The following ESRRB variants were observed in gnomAD, a reference collection of about 807,000 sequenced individuals.
ESRRB encodes estrogen related receptor beta.
ESRRB carries 16 observed loss-of-function variants against 46.0 expected under a neutral mutation model. The observed-to-expected ratio is 0.35, with a 90% CI of 0.24 to 0.53. ESRRB has a LOEUF of 0.53. Ranked by LOEUF, ESRRB falls within the 20% of genes least tolerant of loss-of-function variation. ESRRB has a pLI of 0.93. For missense variants in ESRRB, 488 were observed against 607.4 expected, an observed-to-expected ratio of 0.80 and a Z score of 2.07; for synonymous variants, 246 against 259.6, an observed-to-expected ratio of 0.95 and a Z score of 0.50.
chr14:76,377,218 G>C (rs910049653), intron 1 of ESRRB, among the ~76,000 whole-genome samples: 8 of 152,224 alleles, frequency 5.3e-5, no homozygotes, highest in Non-Finnish European at 1.0e-4. Context: ...CGCGAGAAGC[G>C]ACTCTCAGAA....
rs138831993 is a variant in ESRRB, at chr14:76,355,126, G to A, written c.2+44210G>A. Among the ~76,000 whole-genome samples the A allele has an allele frequency of 1.9e-4, 29 of 152,276 alleles. No individual in the cohort carries two copies. In the East Asian group the frequency reaches 3.9e-3, roughly 20 times the overall value. ...ACCCTTTGGGTATACCTTCCTCCTC[G>A]GATGGGTCTTTTCCAGGCAGCCTTC... On this transcript the variant is annotated intron_variant, in intron 1 of 6. Coordinates refer to the ESRRB transcript ENST00000512784.
chr14:76,381,985 A>C (rs778526759), intron 1 of ESRRB, among the ~76,000 whole-genome samples: 2 of 152,164 alleles, frequency 1.3e-5, no homozygotes, highest in Non-Finnish European at 1.5e-5. Context: ...GATCAGGATT[A>C]ATATCATCAA....
chr14:76,432,167 C>T (rs985819315), intron 1 of ESRRB, among the ~76,000 whole-genome samples: 1 of 152,178 alleles, frequency 6.6e-6, no homozygotes, highest in Non-Finnish European at 1.5e-5. Flanking sequence ...AGACATTTGG[C>T]AATGTCTGTA....
intron 1 of ESRRB, among the ~76,000 whole-genome samples, chr14:76,412,493 T>C (rs1423525676): frequency 6.6e-6 from 1 of 152,056 alleles, no homozygotes; most frequent in East Asian, 1.9e-4. Flanking sequence ...CACCCTACCC[T>C]GGCTGGAAGC....
chr14:76,456,363 A>G (rs913342048), intron 2 of ESRRB, among the ~76,000 whole-genome samples: 2 of 152,196 alleles, frequency 1.3e-5, no homozygotes, highest in African/African-American at 4.8e-5. Flanking sequence ...CAGAGAACCC[A>G]TAAACTTGTC....
chr14:76,493,846 C>G (rs1231477614), intron 6 of ESRRB, among the ~76,000 whole-genome samples: 1 of 152,218 alleles, frequency 6.6e-6, no homozygotes, highest in African/African-American at 2.4e-5. Flanking sequence ...CAGAGGTACC[C>G]CTTTGCAGGG....
chr14:76,359,648 C>T (rs1884440013), intron 1 of ESRRB, among the ~76,000 whole-genome samples: 1 of 152,122 alleles, frequency 6.6e-6, no homozygotes, highest in Non-Finnish European at 1.5e-5. Flanking sequence ...ACAGTAACCT[C>T]CTCTTGGAAC....
At position 76,404,475 on chromosome 14, in the gene ESRRB, T is replaced by G. The variant is rs10132091; in HGVS notation, c.50+28024T>G. 1 of 151,942 alleles carries G rather than the reference T, an allele frequency of 6.6e-6. No homozygotes were observed. The highest frequency in any genetic ancestry group is 1.5e-5 in the Non-Finnish European group (1 of 67,984). 9.4% of individuals were successfully genotyped at this position (151,942 alleles called of 1,614,324 possible). A position where few individuals can be genotyped will look rare whatever the true frequency, so the allele number is the denominator to read the frequency against. On this transcript the variant is annotated intron_variant, in intron 1 of 6. Coordinates refer to ENST00000644823, the MANE Select transcript of ESRRB (RefSeq NM_001379180.1). ...GAACTTTGAGGTATCTAATAAATAT[T>G]GTGAATGAATGAATGGCCAGACCAT...
intron 2 of ESRRB, among the ~76,000 whole-genome samples, chr14:76,440,116 T>C (rs1887858499): frequency 6.6e-6 from 1 of 152,182 alleles, no homozygotes; most frequent in Non-Finnish European, 1.5e-5. Flanking sequence ...TAATTTGCCC[T>C]GCAATTCCAG....
At chr14:76,468,535 A>T (rs28458456) in intron 3 of ESRRB, among the ~76,000 whole-genome samples, 3 of 151,642 alleles carry the variant, frequency 2.0e-5, no homozygotes, top group Non-Finnish European at 4.4e-5. Flanking sequence ...AATGAAGACG[A>T]AGGAGATGAT....
chr14:76,445,482 A>AG (rs1296548192), intron 2 of ESRRB, among the ~76,000 whole-genome samples: 59 of 120,064 alleles, frequency 4.9e-4, no homozygotes, highest in African/African-American at 2.2e-3. Flanking sequence ...AAAAAAAAAA[A>AG]AAAGAAAGAA....
intron 1 of ESRRB, among the ~76,000 whole-genome samples, chr14:76,333,834 G>A (rs187181228): frequency 1.7e-3 from 258 of 152,114 alleles, no homozygotes; most frequent in Admixed American, 2.7e-3. Flanking sequence ...TAGACTGGCT[G>A]CATTTCACGT....
At chr14:76,334,900 G>A (rs1301180369) in intron 1 of ESRRB, among the ~76,000 whole-genome samples, 1 of 152,160 alleles carries the variant, frequency 6.6e-6, no homozygotes, top group African/African-American at 2.4e-5. Flanking sequence ...GCAGGGACAG[G>A]GAGCCACGTG....
At chr14:76,347,735 G>A (rs1322603884) in intron 1 of ESRRB, among the ~76,000 whole-genome samples, 1 of 99,574 alleles carries the variant, frequency 1.0e-5, no homozygotes, top group Non-Finnish European at 2.1e-5. Flanking sequence ...CCAAGGTCCA[G>A]AGCATCTCTA....
intron 3 of ESRRB, among the ~76,000 whole-genome samples, chr14:76,470,864 T>A (rs1005633683): frequency 7.9e-5 from 12 of 152,150 alleles, no homozygotes; most frequent in African/African-American, 1.4e-4. Context: ...ATTTAAAAAA[T>A]TTTTTTTGTA....
chr14:76,352,784 A>T (rs1211590371), intron 1 of ESRRB, among the ~76,000 whole-genome samples: 1 of 152,188 alleles, frequency 6.6e-6, no homozygotes, highest in Non-Finnish European at 1.5e-5. Flanking sequence ...GAGCTAGCTG[A>T]TTGGAAAGCC....
At chr14:76,438,688 T>C (rs564027303) in intron 1 of ESRRB, among the ~76,000 whole-genome samples, 97 of 151,940 alleles carry the variant, frequency 6.4e-4, no homozygotes, top group African/African-American at 2.3e-3. Context: ...ACTTGTAGCC[T>C]TTGTGTATTA....
At chr14:76,473,850 C>A (rs61979410) in intron 3 of ESRRB, among the ~76,000 whole-genome samples, 15,116 of 152,272 alleles carry the variant, frequency 0.099, 903 homozygotes, top group East Asian at 0.19. Flanking sequence ...GAGAGGCCAG[C>A]AGAGGGGGAG....
At chr14:76,315,936 T>C (rs895645795) in intron 1 of ESRRB, among the ~76,000 whole-genome samples, 2 of 152,160 alleles carry the variant, frequency 1.3e-5, no homozygotes, top group African/African-American at 4.8e-5. Flanking sequence ...AGAAAGAGAA[T>C]TTTCTTAAGT....
Sources: gnomAD v4.1 joint callset for allele counts (sites outside exome capture counted in the v4.1 genomes callset) on GRCh38, gnomAD v4.1.1 for gene constraint, MANE v1.5 for transcripts, NCBI Gene and HGNC (gene_info 2026-07-23, HGNC 2026-07-21) for gene names.